NAALADL2: variants seen among roughly 807,000 people sequenced by gnomAD.
NAALADL2 encodes the protein N-acetylated alpha-linked acidic dipeptidase like 2, also known as inactive N-acetylated-alpha-linked acidic dipeptidase-like protein 2.
A neutral mutation model predicts 87.2 loss-of-function variants in NAALADL2; 76 were observed. That is an observed-to-expected ratio of 0.87 (90% CI 0.72 to 1.05). The LOEUF (loss-of-function observed/expected upper bound fraction) is 1.05. Ranked by LOEUF, NAALADL2 falls within the 50% of genes least tolerant of loss-of-function variation. NAALADL2 has a pLI of 0.00. For synonymous variants in NAALADL2, 354 were observed against 331.0 expected (o/e 1.07, Z -0.75); for missense variants, 1,089 against 945.8 (o/e 1.15, Z -1.99).
intron 4 of NAALADL2, among the ~76,000 whole-genome samples, chr3:175,260,300 G>A (rs1750803774): frequency 6.6e-6 from 1 of 152,056 alleles, no homozygotes; most frequent in African/African-American, 2.4e-5. Context: ...CCTTGAGACA[G>A]AGCCTTGCCA....
chr3:175,807,376 T>A lies in NAALADL2; in HGVS notation c.*4173T>A, dbSNP rs1754803748. On this transcript the variant is annotated 3_prime_UTR_variant, in exon 14 of 14. Coordinates refer to ENST00000454872, the MANE Select transcript of NAALADL2 (RefSeq NM_207015.3). ...CCATGTTACTAATGATGAATCAGCA[T>A]CTTTGCCTCAAATGAAAATCTATAA... is the stretch of plus-strand genomic sequence containing the variant. 6.6e-6 allele frequency: 1 copy of A among 151,904 alleles called. No individual in the cohort carries two copies. The highest frequency in any genetic ancestry group is 1.5e-5 in the Non-Finnish European group (1 of 67,886). 9.4% of individuals were successfully genotyped at this position (151,904 alleles called of 1,614,324 possible).
At chr3:174,698,211 A>C (rs1729211146) in intron 2 of NAALADL2, among the ~76,000 whole-genome samples, 1 of 148,066 alleles carries the variant, frequency 6.8e-6, no homozygotes, top group Admixed American at 6.8e-5. Context: ...AGAAAAATAT[A>C]GTTTTGGGTA....
In NAALADL2 at chr3:175,473,945, G is replaced by A. The variant is rs995990083; in HGVS notation, c.1653+2187G>A. 1.3e-5 allele frequency among the ~76,000 whole-genome samples: 2 copies of A among 152,120 alleles called. 1 individual carries two copies. The highest frequency in any genetic ancestry group is 4.8e-5 in the African/African-American group (2 of 41,432). On this transcript the variant is annotated intron_variant, in intron 9 of 13. Coordinates refer to ENST00000454872, the MANE Select transcript of NAALADL2 (RefSeq NM_207015.3). ...CAGTAGTGGGATTGCTGTGTTGAATGGTAGATTTACTGTTAGTTCTTTGAG... is the reference window on the plus strand; with the variant it reads ...CAGTAGTGGGATTGCTGTGTTGAATAGTAGATTTACTGTTAGTTCTTTGAG...
chr3:174,642,653 C>A (rs1438922429), intron 2 of NAALADL2, among the ~76,000 whole-genome samples: 2 of 151,154 alleles, frequency 1.3e-5, no homozygotes, highest in Non-Finnish European at 2.9e-5. Flanking sequence ...GAACCATTGT[C>A]AGAGACCTCT....
At chr3:174,556,371 T>C (rs918497640) in intron 2 of NAALADL2, among the ~76,000 whole-genome samples, 2 of 152,222 alleles carry the variant, frequency 1.3e-5, no homozygotes, top group Non-Finnish European at 2.9e-5. Context: ...AGCAGTTCTG[T>C]TCTTTTGCCT....
At chr3:175,505,721 T>A (rs1730216348) in intron 9 of NAALADL2, among the ~76,000 whole-genome samples, 1 of 152,084 alleles carries the variant, frequency 6.6e-6, no homozygotes, top group Non-Finnish European at 1.5e-5. Context: ...GAAAGGAGTT[T>A]GTCTTAGCAA....
At chr3:174,617,088 C>T (rs1720536648) in intron 2 of NAALADL2, among the ~76,000 whole-genome samples, 1 of 151,734 alleles carries the variant, frequency 6.6e-6, no homozygotes, top group Non-Finnish European at 1.5e-5. Context: ...TGCTGCGACA[C>T]AGGACTACAA....
intron 3 of NAALADL2, among the ~76,000 whole-genome samples, chr3:174,795,519 A>G: frequency 6.6e-6 from 1 of 152,116 alleles, no homozygotes; most frequent in East Asian, 1.9e-4. Context: ...AGATTTTTGT[A>G]TGGCTATATG....
At chr3:174,600,569 G>C (rs959342088) in intron 2 of NAALADL2, among the ~76,000 whole-genome samples, 2 of 152,030 alleles carry the variant, frequency 1.3e-5, no homozygotes, top group African/African-American at 4.8e-5. Flanking sequence ...TGAGTACACG[G>C]TAAGTGCATT....
intron 1 of NAALADL2, among the ~76,000 whole-genome samples, chr3:174,549,931 A>C (rs554740068): frequency 2.7e-3 from 406 of 152,014 alleles, no homozygotes; most frequent in Non-Finnish European, 1.9e-3. Flanking sequence ...AGAAAAAAAT[A>C]CTTTCTTTGG....
intron 2 of NAALADL2, among the ~76,000 whole-genome samples, chr3:175,201,528 T>G (rs1740023453): frequency 6.6e-6 from 1 of 152,178 alleles, no homozygotes; most frequent in Non-Finnish European, 1.5e-5. Flanking sequence ...ATTATACATA[T>G]GAAAAACAAT....
At chr3:175,277,977 C>A (rs1200850573) in intron 4 of NAALADL2, among the ~76,000 whole-genome samples, 1 of 152,080 alleles carries the variant, frequency 6.6e-6, no homozygotes, top group Admixed American at 6.6e-5. Context: ...TAATAAATAT[C>A]TCAGTTTATA....
chr3:175,441,772 C>G (rs1295320467), intron 5 of NAALADL2, among the ~76,000 whole-genome samples: 1 of 151,786 alleles, frequency 6.6e-6, no homozygotes, highest in Non-Finnish European at 1.5e-5. Flanking sequence ...TCTCATTCAC[C>G]ATCATCATTA....
At chr3:175,748,313 T>A (rs1432270146) in intron 12 of NAALADL2, among the ~76,000 whole-genome samples, 2 of 152,220 alleles carry the variant, frequency 1.3e-5, no homozygotes. Flanking sequence ...ATAGAAAATG[T>A]ATGATAAAAA....
chr3:175,475,479 T>G (rs2216507), intron 9 of NAALADL2, among the ~76,000 whole-genome samples: 134,468 of 152,212 alleles, frequency 0.88, 59,433 homozygotes, highest in East Asian at 0.98. Context: ...TAGAAAAACA[T>G]AATTTGGTCA....
Position 175,754,606 on chromosome 3 carries a change from T to C in NAALADL2, c.1991-614T>C, listed in dbSNP as rs995322134. 5.5e-4 allele frequency among the ~76,000 whole-genome samples: 84 copies of C among 152,314 alleles called. 1 individual carries two copies. The highest frequency in any genetic ancestry group is 2.0e-3 in the African/African-American group (84 of 41,582). On this transcript the variant is annotated intron_variant, in intron 12 of 13. Coordinates refer to ENST00000454872, the MANE Select transcript of NAALADL2 (RefSeq NM_207015.3). ...AACCCAGTAGTCACATGACAACATATAGTAACATATCTCAGGTTCTCAAGA... is the reference window on the plus strand; with the variant it reads ...AACCCAGTAGTCACATGACAACATACAGTAACATATCTCAGGTTCTCAAGA...
chr3:175,550,932 G>T (rs562971216), intron 9 of NAALADL2, among the ~76,000 whole-genome samples: 1 of 152,206 alleles, frequency 6.6e-6, no homozygotes, highest in Non-Finnish European at 1.5e-5. Flanking sequence ...AAAGAGAAAA[G>T]AAATGTTATG....
At chr3:175,537,280 A>T (rs1331839374) in intron 9 of NAALADL2, among the ~76,000 whole-genome samples, 1 of 152,174 alleles carries the variant, frequency 6.6e-6, no homozygotes, top group Non-Finnish European at 1.5e-5. Context: ...AATTGGTAAC[A>T]CTTTTAGCCA....
intron 9 of NAALADL2, among the ~76,000 whole-genome samples, chr3:175,520,177 A>G (rs1037616053): frequency 4.6e-5 from 7 of 152,224 alleles, no homozygotes; most frequent in African/African-American, 1.4e-4. Flanking sequence ...ACTTTACCTT[A>G]AATTAATAAA....
Sources: gnomAD v4.1 joint callset for allele counts (sites outside exome capture counted in the v4.1 genomes callset) on GRCh38, gnomAD v4.1.1 for gene constraint, MANE v1.5 for transcripts, NCBI Gene and HGNC (gene_info 2026-07-23, HGNC 2026-07-21) for gene names.